Variants in RNF213 observed in about 807,000 individuals in gnomAD.
RNF213 encodes ring finger protein 213.
In RNF213, 341 loss-of-function variants were observed where a neutral mutation model predicts 514.4. The ratio of observed to expected loss-of-function variants is 0.66; its 90% CI spans 0.61 to 0.73. RNF213 has a LOEUF of 0.73. Among genes scored for constraint, RNF213 ranks in the 30% least tolerant of loss-of-function variants. RNF213 has a pLI of 0.00. For synonymous variants in RNF213, 2,655 were observed against 2,658.2 expected (o/e 1.00, Z 0.04); for missense variants, 5,767 against 6,615.6 (o/e 0.87, Z 4.45).
chr17:80,327,897 T>G lies in RNF213; in HGVS notation c.3275T>G (p.Val1092Gly). ...GTTGCCGACTCTGTGTTGACGAAAGTTGTTGGTGACCTCCTAAGTGGCACG... is the reference window on the plus strand; with the variant it reads ...GTTGCCGACTCTGTGTTGACGAAAGGTGTTGGTGACCTCCTAAGTGGCACG... ...IAVADSVLTK[V>G]VGDLLSGTIL... The change falls in exon 19 of 68, where the codon GTT (valine) becomes GGT (glycine). Residue 1092 changes from valine to glycine, a missense_variant. By Grantham distance (109) the Val-to-Gly change is moderately radical. This residue lies in a region of RNF213 where 516 missense variants were observed against 566.5 expected (regional missense o/e 0.91). Coordinates refer to ENST00000582970, the MANE Select transcript of RNF213 (RefSeq NM_001256071.3). 1 of 1,537,228 alleles carries G rather than the reference T, an allele frequency of 6.5e-7. No individual in the cohort carries two copies. Among genetic ancestry groups the G allele is most frequent in the South Asian group, 1.2e-5 (1 of 84,060 alleles).
intron 47 of RNF213, 112 bp downstream of exon 47, chr17:80,372,097 T>C: frequency 1.4e-6 from 1 of 734,500 alleles, no homozygotes. Flanking sequence ...CTCTGTTCCG[T>C]GCAGAAAAGA....
At position 80,363,841 on chromosome 17, in the gene RNF213, G is replaced by A. The variant is rs751349710; in HGVS notation, c.11750+51G>A. On this transcript the variant is annotated intron_variant, in intron 41 of 67. Coordinates refer to ENST00000582970, the MANE Select transcript of RNF213 (RefSeq NM_001256071.3). ...TGCTTCATCTGGCGCGCGCTCACCA[G>A]GAGCCTGCCAAGTGCCAGGCATGTC... 9 of 1,565,990 alleles carry A rather than the reference G, an allele frequency of 5.7e-6. No homozygotes were observed. In the Admixed American group the frequency reaches 1.2e-4, roughly 21 times the overall value.
intron 36 of RNF213, chr17:80,355,089 TG>T (rs1196089890): frequency 2.5e-6 from 1 of 406,294 alleles, no homozygotes; most frequent in African/African-American, 2.1e-5. Context: ...GAAGGAGGGG[TG>T]CTCTGGGCCC....
intron 46 of RNF213, among the ~76,000 whole-genome samples, chr17:80,370,586 G>C (rs778051302): frequency 3.3e-5 from 5 of 152,162 alleles, no homozygotes; most frequent in Non-Finnish European, 7.4e-5. Flanking sequence ...CTTCATGCCA[G>C]TTTCATTTTA....
chr17:80,385,508 A>G, intron 60 of RNF213, 30 bp from the exon 61 acceptor site: 1 of 1,604,868 alleles, frequency 6.2e-7, no homozygotes, highest in Non-Finnish European at 8.5e-7. Context: ...TTGCTATCAT[A>G]CGGTTCTTAC....
intron 8 of RNF213, among the ~76,000 whole-genome samples, chr17:80,293,152 G>C (rs986347027): frequency 1.4e-4 from 21 of 152,064 alleles, no homozygotes; most frequent in Non-Finnish European, 2.4e-4. Flanking sequence ...CAACCACCAG[G>C]GCTCAGCTGA....
At chr17:80,390,686 C>T (rs1432893955) in intron 67 of RNF213, among the ~76,000 whole-genome samples, 1 of 148,878 alleles carries the variant, frequency 6.7e-6, no homozygotes, top group Admixed American at 6.7e-5. Flanking sequence ...GCGTGAGCCA[C>T]TACACCCAGC....
intron 41 of RNF213, among the ~76,000 whole-genome samples, chr17:80,364,190 G>T (rs2079164679): frequency 6.6e-6 from 1 of 152,224 alleles, no homozygotes; most frequent in Non-Finnish European, 1.5e-5. Flanking sequence ...GCAGTGAGCG[G>T]GTTGTGGTGG....
At chr17:80,382,674 G>A (rs1177188668) in intron 57 of RNF213, 1 of 343,752 alleles carries the variant, frequency 2.9e-6, no homozygotes, top group Non-Finnish European at 5.6e-6. Context: ...TGAGACGGCT[G>A]GCGGTAGCCT....
At chr17:80,313,896 ATGGTGGTGGTGGTGGTGATGGTGGAGG>A (rs1430439175) in intron 15 of RNF213, among the ~76,000 whole-genome samples, 23 of 40,722 alleles carry the variant, frequency 5.6e-4, no homozygotes, top group East Asian at 1.3e-3. Flanking sequence ...ACTGGAGGTG[ATGGTGGTGGTGGTGGTGATGGTGGAGG>A]TGGTGGAGGT....
intron 44 of RNF213, 26 bp from the exon 45 acceptor site, chr17:80,369,476 C>G: frequency 1.2e-6 from 2 of 1,607,200 alleles, no homozygotes; most frequent in Non-Finnish European, 1.7e-6. Context: ...CACCATCCAC[C>G]TGTCTTCTGT....
At chr17:80,352,145 A>T in intron 32 of RNF213, 1 of 244,276 alleles carries the variant, frequency 4.1e-6, no homozygotes, top group Non-Finnish European at 8.1e-6. Flanking sequence ...GAGCCACCGC[A>T]CCCAGCCCAG....
chr17:80,338,177 G>A (rs1186245479), intron 25 of RNF213, among the ~76,000 whole-genome samples, 180 bp downstream of exon 25: 3 of 152,160 alleles, frequency 2.0e-5, no homozygotes, highest in Non-Finnish European at 4.4e-5. Flanking sequence ...ACTCTAGTCC[G>A]CGGCCCCAGA....
chr17:80,316,080 C>G, intron 15 of RNF213: 1 of 151,796 alleles, frequency 6.6e-6, no homozygotes, highest in Non-Finnish European at 1.5e-5. Flanking sequence ...CATGCCTGAC[C>G]TAAGAAAAGT....
chr17:80,295,466 G>C, intron 9 of RNF213, 91 bp from the exon 10 acceptor site: 5 of 1,536,850 alleles, frequency 3.3e-6, no homozygotes, highest in Non-Finnish European at 4.5e-6. Context: ...GATGGGGTCT[G>C]CTGCCCTAGC....
chr17:80,326,410 A>T (rs1453822598), intron 18 of RNF213, among the ~76,000 whole-genome samples: 3 of 152,230 alleles, frequency 2.0e-5, no homozygotes, highest in African/African-American at 7.2e-5. Flanking sequence ...CCTGTTAGTA[A>T]CATGCAGCAT....
At chr17:80,291,448 C>G (rs1042683442) in intron 7 of RNF213, among the ~76,000 whole-genome samples, 180 bp from the exon 8 acceptor site, 6 of 152,038 alleles carry the variant, frequency 3.9e-5, no homozygotes, top group African/African-American at 1.4e-4. Flanking sequence ...GCCTTGACCT[C>G]CTGGACTCAA....
chr17:80,317,506 A>G lies in RNF213; in HGVS notation c.2901+229A>G, dbSNP rs1246865633. 1.3e-5 allele frequency among the ~76,000 whole-genome samples: 2 copies of G among 152,142 alleles called. No homozygotes were observed. The highest frequency in any genetic ancestry group is 2.4e-5 in the African/African-American group (1 of 41,426). On this transcript the variant is annotated intron_variant, in intron 16 of 67. Transcript: ENST00000582970. The surrounding 1 kb of genome is among the most constrained non-coding windows in gnomAD (Gnocchi z 4.1). Reference sequence around the variant, plus strand: ...AAGAACAAGGGCCCAGGATCTCACCATCATGGGGGTGCGGGATTTTTCCTG... The same window carrying G: ...AAGAACAAGGGCCCAGGATCTCACCGTCATGGGGGTGCGGGATTTTTCCTG...
chr17:80,355,522 CA>C (rs1279712005), intron 36 of RNF213, among the ~76,000 whole-genome samples: 15 of 12,346 alleles, frequency 1.2e-3, no homozygotes, highest in South Asian at 5.4e-3. Flanking sequence ...TGGGGGCTTA[CA>C]GGGGGAAGAA....
Sources: gnomAD v4.1 joint callset for allele counts (sites outside exome capture counted in the v4.1 genomes callset) on GRCh38, gnomAD v4.1.1 for gene constraint, gnomAD v4.1.1 regional missense constraint, Gnocchi (gnomAD v3.1) non-coding constraint, MANE v1.5 for transcripts, NCBI Gene and HGNC (gene_info 2026-07-23, HGNC 2026-07-21) for gene names.